The following AGPAT5 variants were observed in gnomAD, a reference collection of about 807,000 sequenced individuals.
AGPAT5 encodes the protein 1-acyl-sn-glycerol-3-phosphate acyltransferase epsilon.
Under a neutral mutation model 45.6 loss-of-function variants are expected in AGPAT5, and 46 were observed. The observed-to-expected ratio is 1.01, with a 90% confidence interval of 0.80 to 1.29. The LOEUF (loss-of-function observed/expected upper bound fraction) is 1.29. Ranked by LOEUF, AGPAT5 falls within the 50% of genes most tolerant of loss-of-function variation. AGPAT5 has a pLI of 0.00. For missense variants in AGPAT5, 673 were observed against 450.7 expected, an observed-to-expected ratio of 1.49 and a Z score of -4.47; for synonymous variants, 272 against 167.0, an observed-to-expected ratio of 1.63 and a Z score of -4.85.
Position 6,710,726 on chromosome 8 carries a change from T to TA in AGPAT5, c.219+1839_219+1840insA, listed in dbSNP as rs1800129357. On this transcript the variant is annotated intron_variant, in intron 1 of 7. Transcript: ENST00000285518. The stretch of plus-strand genomic sequence containing the variant: ...AAAGCTACCTTTCAATATTTTTTAT[T>TA]GTTTCTGTTAAGATTAAATCAATAG... 2.0e-5 allele frequency among the ~76,000 whole-genome samples: 3 copies of TA among 152,218 alleles called. No homozygotes were observed. In the South Asian group the frequency reaches 6.2e-4, roughly 32 times the overall value.
At chr8:6,712,218 T>A (rs1019353900) in intron 1 of AGPAT5, among the ~76,000 whole-genome samples, 3 of 152,256 alleles carry the variant, frequency 2.0e-5, no homozygotes, top group African/African-American at 7.2e-5. Flanking sequence ...TTTTAGTTTC[T>A]TATTTACAGA....
chr8:6,757,304 G>A lies in AGPAT5; in HGVS notation c.1011G>A (p.Met337Ile). ...ILSGLTAGML[M>I]TDAGRKLYVN... The stretch of plus-strand genomic sequence containing the variant: ...GTGGTTTGACTGCAGGCATGCTTAT[G>A]ACCGATGCTGGAAGGAAGCTGTATG... The change falls in exon 8 of 8, where the codon ATG (methionine) becomes ATA (isoleucine). Residue 337 changes from methionine to isoleucine, a missense_variant. By Grantham distance (10) the Met-to-Ile change is conservative. Transcript: ENST00000285518. The A allele has an allele frequency of 6.2e-7, 1 of 1,614,170 alleles. No homozygotes were observed. Among genetic ancestry groups the A allele is most frequent in the Non-Finnish European group, 8.5e-7 (1 of 1,180,034 alleles).
At chr8:6,709,507 GAAAC>G (rs1415266577) in intron 1 of AGPAT5, 1 of 150,886 alleles carries the variant, frequency 6.6e-6, no homozygotes, top group African/African-American at 2.4e-5. Flanking sequence ...TTAAACTTGA[GAAAC>G]AAACCATAAA....
chr8:6,755,027 A>C (rs200414711), intron 6 of AGPAT5, 24 bp from the exon 7 acceptor site: 29 of 1,546,388 alleles, frequency 1.9e-5, no homozygotes, highest in Middle Eastern at 1.7e-4. Flanking sequence ...GTAAAAAAAA[A>C]GAATTATTTT....
chr8:6,752,832 T>C (rs1801702453), intron 6 of AGPAT5, among the ~76,000 whole-genome samples: 1 of 152,188 alleles, frequency 6.6e-6, no homozygotes, highest in African/African-American at 2.4e-5. Context: ...ATAGGAAGTA[T>C]TTATACCACT....
intron 1 of AGPAT5, among the ~76,000 whole-genome samples, chr8:6,720,016 T>C (rs894246998): frequency 2.0e-5 from 3 of 152,160 alleles, no homozygotes; most frequent in Non-Finnish European, 4.4e-5. Context: ...ATGATTGGAT[T>C]GTCCTGCTTT....
chr8:6,740,035 GTGT>G (rs1801191711), intron 4 of AGPAT5, among the ~76,000 whole-genome samples: 2 of 152,066 alleles, frequency 1.3e-5, no homozygotes, highest in African/African-American at 4.8e-5. Context: ...AGGACCATAT[GTGT>G]TGTTATCCTT....
intron 2 of AGPAT5, among the ~76,000 whole-genome samples, chr8:6,729,800 T>A (rs2116894127): frequency 6.6e-6 from 1 of 152,372 alleles, no homozygotes; most frequent in South Asian, 2.1e-4. Context: ...CATACCATCT[T>A]ACCCTTGTTT....
At chr8:6,717,200 G>A (rs937250618) in intron 1 of AGPAT5, among the ~76,000 whole-genome samples, 7 of 152,160 alleles carry the variant, frequency 4.6e-5, no homozygotes, top group Admixed American at 1.3e-4. Context: ...AATTCTCCAA[G>A]GTTTTATGTT....
At position 6,714,371 on chromosome 8, in the gene AGPAT5, C is replaced by G. The variant is rs190902410; in HGVS notation, c.219+5484C>G. Reference sequence around the variant, plus strand: ...AAACATTTCCCAATCAAATACAATTCCAGTCTAACACAATTAAATTCTGGT... The same window carrying G: ...AAACATTTCCCAATCAAATACAATTGCAGTCTAACACAATTAAATTCTGGT... On this transcript the variant is annotated intron_variant, in intron 1 of 7. Transcript: ENST00000285518. 1.8e-4 allele frequency among the ~76,000 whole-genome samples: 28 copies of G among 152,244 alleles called. No homozygotes were observed. The East Asian group carries it at 5.2e-3, about 28-fold the overall frequency.
At chr8:6,740,903 G>A (rs2116925594) in intron 4 of AGPAT5, among the ~76,000 whole-genome samples, 1 of 152,172 alleles carries the variant, frequency 6.6e-6, no homozygotes, top group East Asian at 1.9e-4. Context: ...ACTTATTTTT[G>A]TCTTTTGGCT....
intron 3 of AGPAT5, 81 bp from the exon 4 acceptor site, chr8:6,732,480 A>AAGAG (rs1408326955): frequency 8.7e-6 from 9 of 1,036,756 alleles, no homozygotes; most frequent in Non-Finnish European, 1.2e-5. Context: ...TACTTTTTGC[A>AAGAG]AGAGAAGTTG....
chr8:6,752,940 C>T (rs1441704568), intron 6 of AGPAT5, among the ~76,000 whole-genome samples: 1 of 152,174 alleles, frequency 6.6e-6, no homozygotes, highest in Non-Finnish European at 1.5e-5. Flanking sequence ...CTACCTGGGT[C>T]CTGAACCTTA....
rs532065085 is a variant in AGPAT5, at chr8:6,715,117, GT to G, written c.219+6233del. ...TGTCCTGGGTACCAAGGGGTACAAT[GT>G]TTGATAGACAATGTACCTGCCATTA... On this transcript the variant is annotated intron_variant, in intron 1 of 7. Coordinates refer to ENST00000285518, the MANE Select transcript of AGPAT5 (RefSeq NM_018361.5). Among the ~76,000 whole-genome samples the G allele has an allele frequency of 1.4e-3, 208 of 152,264 alleles. 1 individual carries two copies. Among genetic ancestry groups the G allele is most frequent in the Admixed American group, 6.1e-3 (93 of 15,302 alleles).
intron 1 of AGPAT5, among the ~76,000 whole-genome samples, chr8:6,714,163 AATC>A (rs1414017614): frequency 1.3e-5 from 2 of 152,312 alleles, no homozygotes; most frequent in South Asian, 4.1e-4. Context: ...CAAGAATATG[AATC>A]ATACCTTGTA....
intron 6 of AGPAT5, among the ~76,000 whole-genome samples, chr8:6,749,239 G>C (rs932390384): frequency 6.6e-6 from 1 of 152,194 alleles, no homozygotes; most frequent in Admixed American, 6.5e-5. Context: ...AGAGAGAGCA[G>C]CTGTCTACTG....
intron 6 of AGPAT5, among the ~76,000 whole-genome samples, chr8:6,754,270 C>G (rs1387207145): frequency 6.6e-6 from 1 of 151,980 alleles, no homozygotes; most frequent in African/African-American, 2.4e-5. Flanking sequence ...CTCCTTTTTT[C>G]AAATAAGCAA....
rs1158607369 is a variant in AGPAT5 at position 6,761,140 on chromosome 8, A to G, written c.*3752A>G. On this transcript the variant is annotated 3_prime_UTR_variant, in exon 8 of 8. Transcript: ENST00000285518. ...CTGAGCAGGGGAAAAGGTTATTTTT[A>G]GGAAAACCACTTCAAATAGAAAGCT... 6.6e-6 allele frequency among the ~76,000 whole-genome samples: 1 copy of G among 152,220 alleles called. No individual in the cohort carries two copies. Among genetic ancestry groups the G allele is most frequent in the East Asian group, 1.9e-4 (1 of 5,208 alleles).
In AGPAT5 at chr8:6,732,658, C is replaced by A. The variant is rs763607894; in HGVS notation, c.495+8C>A. On this transcript the variant is annotated splice_region_variant and intron_variant, in intron 4 of 7. Transcript: ENST00000285518. ...GTGGACGCAGGAACTCCAGTAAGAG[C>A]CTACCCGTTTTTATTTTTCTTACCA... The A allele has an allele frequency of 1.9e-6, 3 of 1,578,664 alleles. No homozygotes were observed. Among genetic ancestry groups the A allele is most frequent in the Admixed American group, 4.1e-5 (2 of 49,000 alleles).
Sources: gnomAD v4.1 joint callset for allele counts (sites outside exome capture counted in the v4.1 genomes callset) on GRCh38, gnomAD v4.1.1 for gene constraint, MANE v1.5 for transcripts, NCBI Gene and HGNC (gene_info 2026-07-23, HGNC 2026-07-21) for gene names.